The following XRN1 variants were observed in gnomAD, a reference collection of about 807,000 sequenced individuals.
The protein encoded by XRN1 is strand-exchange protein 1 homolog.
XRN1 carries 67 observed loss-of-function variants against 222.3 expected under a neutral mutation model. The ratio of observed to expected loss-of-function variants is 0.30; its 90% confidence interval spans 0.25 to 0.37. The LOEUF is 0.37. Ranked by LOEUF, XRN1 falls within the 10% of genes least tolerant of loss-of-function variation. XRN1 has a pLI of 1.00. For synonymous variants in XRN1, 643 were observed against 652.4 expected, an observed-to-expected ratio of 0.99 and a Z score of 0.22; for missense variants, 1,707 against 2,000.2, an observed-to-expected ratio of 0.85 and a Z score of 2.80.
At chr3:142,397,697 G>A (rs2067981032) in intron 19 of XRN1, among the ~76,000 whole-genome samples, 1 of 152,112 alleles carries the variant, frequency 6.6e-6, no homozygotes, top group Non-Finnish European at 1.5e-5. Context: ...GAAGTACAGA[G>A]GAAGAAGAAG....
intron 29 of XRN1, among the ~76,000 whole-genome samples, chr3:142,361,760 C>G (rs974079804): frequency 6.6e-6 from 1 of 151,946 alleles, no homozygotes; most frequent in African/African-American, 2.4e-5. Flanking sequence ...ATCTGTTCAG[C>G]TATTTTGATC....
At chr3:142,424,865 C>CA (rs10662291) in intron 5 of XRN1, among the ~76,000 whole-genome samples, 1 of 151,744 alleles carries the variant, frequency 6.6e-6, no homozygotes, top group Non-Finnish European at 1.5e-5. Flanking sequence ...AAGTTAATGC[C>CA]AAAAAGTCTA....
chr3:142,371,023 C>G (rs897978569), intron 26 of XRN1, among the ~76,000 whole-genome samples: 4 of 151,458 alleles, frequency 2.6e-5, no homozygotes, highest in Non-Finnish European at 5.9e-5. Flanking sequence ...ATAGGCCCAG[C>G]TACTCAGGAG....
intron 2 of XRN1, among the ~76,000 whole-genome samples, chr3:142,430,181 CT>C (rs1457623754): frequency 3.3e-5 from 5 of 152,148 alleles, no homozygotes; most frequent in African/African-American, 9.7e-5. Flanking sequence ...TTCTGTAGTG[CT>C]GTTTGGGAAG....
At chr3:142,416,810 T>C (rs1227134201) in intron 13 of XRN1, among the ~76,000 whole-genome samples, 1 of 152,068 alleles carries the variant, frequency 6.6e-6, no homozygotes, top group East Asian at 2.0e-4. Context: ...GGTGGGCGGA[T>C]CACCTGAGGT....
At chr3:142,427,534 T>A (rs2069311365) in intron 2 of XRN1, among the ~76,000 whole-genome samples, 1 of 152,186 alleles carries the variant, frequency 6.6e-6, no homozygotes, top group Non-Finnish European at 1.5e-5. Flanking sequence ...TTAATCATCA[T>A]TTAATGTATA....
intron 25 of XRN1, 28 bp downstream of exon 25, chr3:142,375,770 G>T: frequency 6.4e-7 from 1 of 1,566,184 alleles, no homozygotes; most frequent in South Asian, 1.2e-5. Context: ...ATTTTGGAAT[G>T]ACTACTAGTA....
intron 27 of XRN1, among the ~76,000 whole-genome samples, chr3:142,368,939 T>C (rs1250230296): frequency 2.6e-5 from 4 of 152,194 alleles, no homozygotes; most frequent in Non-Finnish European, 4.4e-5. Context: ...GTTTATCTTT[T>C]TGAGGACACT....
At chr3:142,371,067 C>G (rs941627055) in intron 26 of XRN1, among the ~76,000 whole-genome samples, 172 bp downstream of exon 26, 1 of 150,568 alleles carries the variant, frequency 6.6e-6, no homozygotes, top group South Asian at 2.1e-4. Flanking sequence ...GTCCAGGGAA[C>G]CAAGGCTAAA....
intron 37 of XRN1, 123 bp downstream of exon 37, chr3:142,329,311 A>T: frequency 1.6e-6 from 1 of 615,034 alleles, no homozygotes; most frequent in Non-Finnish European, 2.5e-6. Flanking sequence ...GCATAAATCT[A>T]TGCTGCTCAT....
At position 142,371,256 on chromosome 3, in the gene XRN1, A is replaced by C; in HGVS notation, c.3051T>G (p.Pro1017=). ...EDVFYEDDIW[P]GENENGAEKV... is the part of the protein sequence containing the mutation. ...TTGCTTACCCATTCTCATTTTCTCC[A>C]GGCCAAATGTCATCTTCATAGAACA... is the stretch of plus-strand genomic sequence containing the variant. Residue 1017 remains proline (P), a synonymous_variant, in exon 26 of 41, where the codon CCT becomes CCG. Coordinates refer to ENST00000392981, the MANE Select transcript of XRN1 (RefSeq NM_001282857.2). 1 of 1,613,336 alleles carries C rather than the reference A, an allele frequency of 6.2e-7. No homozygotes were observed. Among genetic ancestry groups the C allele is most frequent in the Non-Finnish European group, 8.5e-7 (1 of 1,179,800 alleles).
Position 142,426,802 on chromosome 3 carries a change from T to C in XRN1, c.348A>G (p.Ile116Met). 1 of 1,613,874 alleles carries C rather than the reference T, an allele frequency of 6.2e-7. No individual in the cohort carries two copies. Among genetic ancestry groups the C allele is most frequent in the Non-Finnish European group, 8.5e-7 (1 of 1,179,960 alleles). ...CTGTAGGAAGAGTTTCTCCCTTCTC[T>C]ATTGCCTTTTTAATTTTGTCTTCTG... ...KEAEDKIKKA[I>M]EKGETLPTEA... is the part of the protein sequence containing the mutation. The change falls in exon 3 of 41, where the codon ATA becomes ATG. Residue 116 changes from isoleucine to methionine, a missense_variant. Physicochemically the swap from Ile to Met is conservative, Grantham distance 10. Transcript: ENST00000392981.
At chr3:142,338,619 T>C (rs1348195822) in intron 33 of XRN1, among the ~76,000 whole-genome samples, 1 of 152,194 alleles carries the variant, frequency 6.6e-6, no homozygotes, top group Non-Finnish European at 1.5e-5. Flanking sequence ...GTACCAGCTC[T>C]GCCAAGTGGG....
At chr3:142,436,019 C>G (rs538153779) in intron 1 of XRN1, 10 of 147,476 alleles carry the variant, frequency 6.8e-5, no homozygotes, top group Admixed American at 2.7e-4. Context: ...GAGATCGTGC[C>G]GCTGCACTCC....
intron 3 of XRN1, 38 bp from the exon 4 acceptor site, chr3:142,425,576 A>T: frequency 6.6e-7 from 1 of 1,519,252 alleles, no homozygotes; most frequent in Non-Finnish European, 9.0e-7. Flanking sequence ...TCTAAGAAAG[A>T]CATAAAAACA....
chr3:142,417,003 T>C, intron 13 of XRN1, 137 bp downstream of exon 13: 1 of 534,902 alleles, frequency 1.9e-6, no homozygotes, highest in Non-Finnish European at 3.0e-6. Flanking sequence ...CACTCCAGCC[T>C]GGGCAACAGA....
intron 15 of XRN1, among the ~76,000 whole-genome samples, chr3:142,410,359 A>G: frequency 6.6e-6 from 1 of 152,008 alleles, no homozygotes; most frequent in East Asian, 1.9e-4. Flanking sequence ...TGGAAGGTGG[A>G]AAAAAAACTG....
chr3:142,337,671 A>G (rs897342552), intron 33 of XRN1, among the ~76,000 whole-genome samples: 2 of 152,210 alleles, frequency 1.3e-5, no homozygotes, highest in African/African-American at 4.8e-5. Context: ...TATGTGAGAG[A>G]ATATTAACAA....
At position 142,311,523 on chromosome 3, in the gene XRN1, T is replaced by C. The variant is rs1205085220; in HGVS notation, c.5073A>G (p.Lys1691=). Residue 1691 remains lysine, a synonymous_variant, in exon 41 of 41, where the codon AAA becomes AAG. Transcript: ENST00000392981. ...CTAAGAGCCAAATTTACTCAGAAGG[T>C]TTAGAAACACCAAAATTAACAGCCA... ...RKLAVNFGVS[K]PSE is the part of the protein sequence containing the mutation. 2 of 1,604,812 alleles carry C rather than the reference T, an allele frequency of 1.2e-6. No individual in the cohort carries two copies. Among genetic ancestry groups the C allele is most frequent in the Admixed American group, 1.7e-5 (1 of 59,136 alleles).
Sources: gnomAD v4.1 joint callset for allele counts (sites outside exome capture counted in the v4.1 genomes callset) on GRCh38, gnomAD v4.1.1 for gene constraint, MANE v1.5 for transcripts, NCBI Gene and HGNC (gene_info 2026-07-23, HGNC 2026-07-21) for gene names.